TP63: variants seen among roughly 807,000 people sequenced by gnomAD.
TP63 encodes tumor protein p63.
TP63 carries 17 observed loss-of-function variants against 82.8 expected under a neutral mutation model. The observed-to-expected ratio is 0.21, with a 90% CI of 0.14 to 0.31. The LOEUF (loss-of-function observed/expected upper bound fraction) is 0.31, where lower values mean the gene tolerates loss of function less well. Ranked by LOEUF, TP63 falls within the 10% of genes least tolerant of loss-of-function variation. The probability of loss-of-function intolerance (pLI) is 1.00; values close to 1 mark genes in which losing one functional copy is unlikely to be tolerated. For missense variants in TP63, 648 were observed against 895.3 expected (o/e 0.72, Z 3.52); for synonymous variants, 330 against 321.7 (o/e 1.03, Z -0.28).
chr3:189,598,209 C>T, the TP63 span, among the ~76,000 whole-genome samples: 3 of 147,016 alleles, frequency 2.0e-5, no homozygotes, highest in African/African-American at 7.6e-5. Flanking sequence ...ATAAATAAAA[C>T]AAATCTAGCA....
At chr3:189,745,703 C>A (rs1577341168) in intron 3 of TP63, among the ~76,000 whole-genome samples, 8 of 71,186 alleles carry the variant, frequency 1.1e-4, no homozygotes, top group East Asian at 1.1e-3. Flanking sequence ...GCAGAAACTC[C>A]ATCTCAAAAA....
intron 1 of TP63, among the ~76,000 whole-genome samples, chr3:189,684,946 A>G (rs1326814373): frequency 1.3e-5 from 2 of 152,086 alleles, no homozygotes; most frequent in African/African-American, 4.8e-5. Flanking sequence ...ATATACTTAT[A>G]TATTATTTGT....
chr3:189,659,320 T>C (rs1713670347), intron 1 of TP63, among the ~76,000 whole-genome samples: 1 of 152,100 alleles, frequency 6.6e-6, no homozygotes, highest in Non-Finnish European at 1.5e-5. Context: ...TTTGGTTTTC[T>C]GTTCTGCATA....
At position 189,886,509 on chromosome 3, in the gene TP63, G is replaced by A. The variant is rs138832017; in HGVS notation, c.1465G>A (p.Ala489Thr). 5.0e-5 allele frequency: 81 copies of A among 1,613,888 alleles called. No homozygotes were observed. In the South Asian group the frequency reaches 6.3e-4, roughly 12 times the overall value. The change falls in exon 11 of 14, where the codon GCC becomes ACC. Residue 489 changes from alanine to threonine, a missense_variant. Coordinates refer to ENST00000264731, the MANE Select transcript of TP63 (RefSeq NM_003722.5). Reference protein sequence around the residue: ...SQLINPQQRNALTPTTIPDGM... With the variant: ...SQLINPQQRNTLTPTTIPDGM... ...GCTTATCAACCCTCAGCAGCGCAAC[G>A]CCCTCACTCCTACAACCATTCCTGA... is the stretch of plus-strand genomic sequence containing the variant.
chr3:189,893,417 A>G (rs2108870843), intron 13 of TP63, among the ~76,000 whole-genome samples: 3 of 152,334 alleles, frequency 2.0e-5, no homozygotes, highest in Middle Eastern at 3.4e-3. Context: ...CCCTGTGAAA[A>G]TATGAGCTAT....
chr3:189,688,337 A>G lies in TP63; in HGVS notation c.63-49403A>G, dbSNP rs564104230. Among the ~76,000 whole-genome samples, 7 of 152,330 alleles carry G rather than the reference A, an allele frequency of 4.6e-5. No individual in the cohort carries two copies. In the South Asian group the frequency reaches 1.5e-3, roughly 32 times the overall value. On this transcript the variant is annotated intron_variant, in intron 1 of 13. Transcript: ENST00000264731. ...TTCAGAAATGTTAGCAGTGAATATGAGTACAGGATATAATCCTTCCTAAGA... is the reference window on the plus strand; with the variant it reads ...TTCAGAAATGTTAGCAGTGAATATGGGTACAGGATATAATCCTTCCTAAGA...
the TP63 span, among the ~76,000 whole-genome samples, chr3:189,601,581 AT>A: frequency 0.43 from 65,950 of 151,918 alleles, 15,085 homozygotes; most frequent in East Asian, 0.67. Flanking sequence ...TTGGATTACT[AT>A]TTTTATCCTT....
chr3:189,786,803 T>A (rs1192117252), intron 3 of TP63, among the ~76,000 whole-genome samples: 1 of 152,066 alleles, frequency 6.6e-6, no homozygotes, highest in Non-Finnish European at 1.5e-5. Flanking sequence ...GTAAAATCCT[T>A]GCATTTCTTT....
At chr3:189,828,351 A>G (rs1436297828) in intron 4 of TP63, among the ~76,000 whole-genome samples, 1 of 151,968 alleles carries the variant, frequency 6.6e-6, no homozygotes, top group African/African-American at 2.4e-5. Flanking sequence ...TATTTTAGAG[A>G]TAGAAACCTA....
At chr3:189,682,353 C>CT (rs11356924) in intron 1 of TP63, among the ~76,000 whole-genome samples, 106 of 141,382 alleles carry the variant, frequency 7.5e-4, no homozygotes, top group Admixed American at 1.5e-3. Flanking sequence ...AAATCAGCAC[C>CT]TTTTTTTTTT....
intron 3 of TP63, among the ~76,000 whole-genome samples, chr3:189,769,429 T>C (rs576215831): frequency 3.3e-5 from 5 of 152,300 alleles, no homozygotes; most frequent in African/African-American, 1.2e-4. Flanking sequence ...TATACATTTG[T>C]GGTTATTTCA....
At chr3:189,687,032 G>C (rs1716506488) in intron 1 of TP63, among the ~76,000 whole-genome samples, 1 of 151,912 alleles carries the variant, frequency 6.6e-6, no homozygotes, top group African/African-American at 2.4e-5. Context: ...CCTGGCCAAG[G>C]GTCAGGGTTT....
intron 1 of TP63, among the ~76,000 whole-genome samples, chr3:189,730,090 CAAT>C (rs1431572908): frequency 6.6e-6 from 1 of 152,088 alleles, no homozygotes; most frequent in Non-Finnish European, 1.5e-5. Flanking sequence ...AAGGCTTAAG[CAAT>C]AATTGGATGG....
chr3:189,852,656 T>C lies in TP63; in HGVS notation c.580-11576T>C, dbSNP rs1371258799. On this transcript the variant is annotated intron_variant, in intron 4 of 13. Transcript: ENST00000264731. The stretch of plus-strand genomic sequence containing the variant: ...CCTGATGGGTTTCCCCAATTTTACT[T>C]TGCTTGTTCCCACCACCTTTGTATT... 4.6e-5 allele frequency among the ~76,000 whole-genome samples: 7 copies of C among 152,336 alleles called. 1 individual carries two copies. In the South Asian group the frequency reaches 6.2e-4, roughly 14 times the overall value.
chr3:189,845,660 A>G (rs78599932), intron 4 of TP63, among the ~76,000 whole-genome samples: 1 of 150,826 alleles, frequency 6.6e-6, no homozygotes, highest in East Asian at 1.9e-4. Flanking sequence ...CCTCAGTATA[A>G]GAACATGCCA....
chr3:189,728,676 A>C (rs1173456974), intron 1 of TP63, among the ~76,000 whole-genome samples: 1 of 152,140 alleles, frequency 6.6e-6, no homozygotes, highest in Non-Finnish European at 1.5e-5. Flanking sequence ...TGGCTGGGGG[A>C]GGCCTCAGGA....
chr3:189,816,998 A>G (rs1263772739), intron 4 of TP63, among the ~76,000 whole-genome samples: 1 of 101,132 alleles, frequency 9.9e-6, no homozygotes, highest in Non-Finnish European at 2.4e-5. Context: ...ATGAAGATTC[A>G]TGTGGGGGAA....
the TP63 span, among the ~76,000 whole-genome samples, chr3:189,611,552 A>G: frequency 6.6e-6 from 1 of 152,150 alleles, no homozygotes. Flanking sequence ...CTTGTAGTAT[A>G]GTTTGAAGTC....
intron 1 of TP63, among the ~76,000 whole-genome samples, chr3:189,732,177 A>G (rs1037207127): frequency 3.9e-5 from 6 of 152,166 alleles, no homozygotes; most frequent in Admixed American, 3.9e-4. Flanking sequence ...CTGTTTCTTT[A>G]CCTCTGGTGA....
Sources: allele counts gnomAD v4.1 joint callset (sites outside exome capture counted in the v4.1 genomes callset), GRCh38; gene constraint gnomAD v4.1.1; transcripts MANE v1.5; gene names NCBI Gene and HGNC (gene_info 2026-07-23, HGNC 2026-07-21).